The following SLCO3A1 variants were observed in gnomAD, a reference collection of about 807,000 sequenced individuals.
SLCO3A1 encodes the protein PGE1 transporter.
Under a neutral mutation model 63.1 loss-of-function variants are expected in SLCO3A1, and 27 were observed. That is an observed-to-expected ratio of 0.43 (90% CI 0.32 to 0.59). The LOEUF (loss-of-function observed/expected upper bound fraction) is 0.59. Ranked by LOEUF, SLCO3A1 falls within the 20% of genes least tolerant of loss-of-function variation. SLCO3A1 has a pLI of 0.09. For synonymous variants in SLCO3A1, 473 were observed against 409.9 expected (o/e 1.15, Z -1.86); for missense variants, 773 against 945.8 (o/e 0.82, Z 2.40).
Position 91,862,618 on chromosome 15 carries a change from C to T in SLCO3A1, c.180+8530C>T, listed in dbSNP as rs1897075487. Among the ~76,000 whole-genome samples, 1 of 152,170 alleles carries T rather than the reference C, an allele frequency of 6.6e-6. No individual in the cohort carries two copies. The highest frequency in any genetic ancestry group is 1.5e-5 in the Non-Finnish European group (1 of 68,040). ...TAGCTCTAAAGTCTCTTCTGGCTCT[C>T]CGTCCATTGATACCTAAATTTCTAG... On this transcript the variant is annotated intron_variant, in intron 1 of 9. Coordinates refer to ENST00000318445, the MANE Select transcript of SLCO3A1 (RefSeq NM_013272.4). This position sits in a 1 kb window ranked among gnomAD's most constrained non-coding sequence, Gnocchi z 4.0.
chr15:91,926,838 A>T (rs935013205), intron 2 of SLCO3A1, among the ~76,000 whole-genome samples: 13 of 152,198 alleles, frequency 8.5e-5, no homozygotes, highest in African/African-American at 3.1e-4. Context: ...ATTTACGTGT[A>T]TATGTACCCT....
At chr15:92,083,337 C>G (rs1482527279) in intron 2 of SLCO3A1, among the ~76,000 whole-genome samples, 2 of 152,190 alleles carry the variant, frequency 1.3e-5, no homozygotes, top group African/African-American at 4.8e-5. Context: ...GGTGCTGTCT[C>G]TGTCACTGCT....
At chr15:91,981,371 G>A (rs964823625) in intron 2 of SLCO3A1, among the ~76,000 whole-genome samples, 2 of 152,140 alleles carry the variant, frequency 1.3e-5, no homozygotes, top group African/African-American at 4.8e-5. Context: ...AGGCCCCTCG[G>A]AATCCGCGCG....
intron 10 of SLCO3A1, chr15:92,171,200 T>G (rs181083112): frequency 6.6e-6 from 1 of 152,636 alleles, no homozygotes; most frequent in East Asian, 1.9e-4. Context: ...CTAGTTGTGT[T>G]TTTAATACCT....
At chr15:91,928,579 A>T (rs969885600) in intron 2 of SLCO3A1, among the ~76,000 whole-genome samples, 7 of 152,168 alleles carry the variant, frequency 4.6e-5, no homozygotes, top group Non-Finnish European at 8.8e-5. Context: ...ATGAAAAGTG[A>T]CTCAACCCAA....
intron 2 of SLCO3A1, among the ~76,000 whole-genome samples, chr15:91,995,736 A>G (rs968525125): frequency 7.3e-5 from 11 of 151,576 alleles, no homozygotes; most frequent in African/African-American, 2.7e-4. Flanking sequence ...TTTTCTTGAA[A>G]AAAAAAAAAA....
chr15:92,156,575 G>T (rs996668493), intron 9 of SLCO3A1, among the ~76,000 whole-genome samples: 1 of 152,212 alleles, frequency 6.6e-6, no homozygotes, highest in Non-Finnish European at 1.5e-5. Flanking sequence ...AGTAGCTCCT[G>T]CAGACTCTCC....
At chr15:92,096,444 G>A (rs897324823) in intron 3 of SLCO3A1, among the ~76,000 whole-genome samples, 4 of 152,212 alleles carry the variant, frequency 2.6e-5, no homozygotes, top group East Asian at 1.9e-4. Context: ...TTAGGGGACC[G>A]TCTGGGTCAT....
At chr15:92,039,326 C>T (rs1438462746) in intron 2 of SLCO3A1, among the ~76,000 whole-genome samples, 5 of 152,138 alleles carry the variant, frequency 3.3e-5, no homozygotes, top group Admixed American at 2.6e-4. Context: ...GCAATCTACC[C>T]GTCTGACAAA....
At chr15:91,958,106 A>G (rs1900305961) in intron 2 of SLCO3A1, among the ~76,000 whole-genome samples, 1 of 152,228 alleles carries the variant, frequency 6.6e-6, no homozygotes, top group Non-Finnish European at 1.5e-5. Flanking sequence ...TATGTAGCCT[A>G]GGAATATTGA....
In SLCO3A1 at chr15:92,087,514, TTA is replaced by T. The variant is rs1242779514; in HGVS notation, c.647-7365_647-7364del. 6.2e-3 allele frequency among the ~76,000 whole-genome samples: 876 copies of T among 140,814 alleles called. 12 individuals carry two copies. Among genetic ancestry groups the T allele is most frequent in the African/African-American group, 0.022 (803 of 36,066 alleles). 92.4% of individuals were successfully genotyped at this position (140,814 alleles called of 152,430 possible). A position where few individuals can be genotyped will look rare whatever the true frequency, so the allele number is the denominator to read the frequency against. ...TGTTGCCTAGTACTTTTATTATCTA[TTA>T]TTTTTTTTTTTTTTTTTTTGAGCTG... On this transcript the variant is annotated intron_variant, in intron 2 of 9. Coordinates refer to ENST00000318445, the MANE Select transcript of SLCO3A1 (RefSeq NM_013272.4).
intron 2 of SLCO3A1, among the ~76,000 whole-genome samples, chr15:91,973,793 A>G (rs1900979110): frequency 6.6e-6 from 1 of 152,200 alleles, no homozygotes; most frequent in Non-Finnish European, 1.5e-5. Context: ...CCAAATGTCA[A>G]TAATGCCAAG....
Position 91,865,768 on chromosome 15 carries a change from C to T in SLCO3A1, c.180+11680C>T, listed in dbSNP as rs148219091. 1.2e-3 allele frequency among the ~76,000 whole-genome samples: 185 copies of T among 152,350 alleles called. No homozygotes were observed. Among genetic ancestry groups the T allele is most frequent in the Non-Finnish European group, 2.3e-3 (155 of 68,040 alleles). On this transcript the variant is annotated intron_variant, in intron 1 of 9. Coordinates refer to ENST00000318445, the MANE Select transcript of SLCO3A1 (RefSeq NM_013272.4). This position sits in a 1 kb window ranked among gnomAD's most constrained non-coding sequence, Gnocchi z 4.6. ...ATGACCTCATGTGACTAGCTTACAT[C>T]TGCTAAGTCCTCGTTTCCAAATTAG... is the stretch of plus-strand genomic sequence containing the variant.
At chr15:92,095,796 C>T (rs1229739245) in intron 3 of SLCO3A1, among the ~76,000 whole-genome samples, 1 of 152,130 alleles carries the variant, frequency 6.6e-6, no homozygotes, top group Non-Finnish European at 1.5e-5. Flanking sequence ...GCATTCTCAG[C>T]CCCCCAGGCC....
chr15:92,050,479 C>A (rs2046943859), intron 2 of SLCO3A1, among the ~76,000 whole-genome samples: 1 of 152,224 alleles, frequency 6.6e-6, no homozygotes, highest in Non-Finnish European at 1.5e-5. Context: ...GAAATGCCTC[C>A]TGCTCTCTGG....
intron 2 of SLCO3A1, among the ~76,000 whole-genome samples, chr15:92,092,830 T>G (rs2047493026): frequency 6.6e-6 from 1 of 152,200 alleles, no homozygotes; most frequent in African/African-American, 2.4e-5. Flanking sequence ...AGAGATAATG[T>G]GCTGATCATG....
At chr15:91,895,076 T>C (rs1897970489) in intron 1 of SLCO3A1, among the ~76,000 whole-genome samples, 1 of 152,188 alleles carries the variant, frequency 6.6e-6, no homozygotes, top group African/African-American at 2.4e-5. Flanking sequence ...CCTGTAGCAG[T>C]GTAGGTACAT....
rs74028337 is a variant in SLCO3A1, at chr15:91,854,688, C to T, written c.180+600C>T. Among the ~76,000 whole-genome samples the T allele has an allele frequency of 0.038, 5,767 of 152,240 alleles. 382 individuals carry two copies. Among genetic ancestry groups the T allele is most frequent in the African/African-American group, 0.13 (5,460 of 41,500 alleles). On this transcript the variant is annotated intron_variant, in intron 1 of 9. Coordinates refer to ENST00000318445, the MANE Select transcript of SLCO3A1 (RefSeq NM_013272.4). This position sits in a 1 kb window ranked among gnomAD's most constrained non-coding sequence, Gnocchi z 6.4. ...TGCCACCCGGTATCCCTATAGCCCTCTTTGAGCGTCTGGGATAAAGTTACG... is the reference window on the plus strand; with the variant it reads ...TGCCACCCGGTATCCCTATAGCCCTTTTTGAGCGTCTGGGATAAAGTTACG...
Position 92,163,251 on chromosome 15 carries a change from G to A in SLCO3A1, c.*116G>A. 2 of 1,399,214 alleles carry A rather than the reference G, an allele frequency of 1.4e-6. No individual in the cohort carries two copies. The highest frequency in any genetic ancestry group is 1.8e-6 in the Non-Finnish European group (2 of 1,083,690). The allele number at this position is 1,399,214 out of a possible 1,614,324, so 86.7% of individuals were successfully genotyped here. The stretch of plus-strand genomic sequence containing the variant: ...TCAGTACACACACACAGGCACAGAT[G>A]CACACACACGCAGACAGACACACCG... On this transcript the variant is annotated 3_prime_UTR_variant, in exon 10 of 10. Transcript: ENST00000318445.
Sources: allele counts gnomAD v4.1 joint callset (sites outside exome capture counted in the v4.1 genomes callset), GRCh38; gene constraint gnomAD v4.1.1; non-coding constraint Gnocchi (gnomAD v3.1); transcripts MANE v1.5; gene names NCBI Gene and HGNC (gene_info 2026-07-23, HGNC 2026-07-21).